The following EAPP variants were observed in gnomAD, a reference collection of about 807,000 sequenced individuals.
EAPP encodes E2F-associated phosphoprotein.
Under a neutral mutation model 34.3 loss-of-function variants are expected in EAPP, and 38 were observed. The observed-to-expected ratio is 1.11, with a 90% CI of 0.85 to 1.45. The LOEUF is 1.45. EAPP is among the 40% of genes most tolerant of loss of function. EAPP has a pLI of 0.00. For synonymous variants in EAPP, 113 were observed against 117.6 expected (o/e 0.96, Z 0.25); for missense variants, 338 against 343.7 (o/e 0.98, Z 0.13).
chr14:34,536,403 A>G (rs1412448367), intron 1 of EAPP, 128 bp from the exon 2 acceptor site: 1 of 589,736 alleles, frequency 1.7e-6, no homozygotes, highest in African/African-American at 1.9e-5. Flanking sequence ...CTTATACATT[A>G]CATATAGCTA....
chr14:34,537,476 CAGTCA>C (rs1880515296), intron 1 of EAPP, among the ~76,000 whole-genome samples: 1 of 152,202 alleles, frequency 6.6e-6, no homozygotes. Context: ...CTGAGAAAGG[CAGTCA>C]TACATCATGG....
At chr14:34,517,173 T>C (rs1482462405) in intron 5 of EAPP, among the ~76,000 whole-genome samples, 2 of 151,854 alleles carry the variant, frequency 1.3e-5, no homozygotes, top group East Asian at 1.9e-4. Context: ...CTTCTGACCT[T>C]GTGATCTGCC....
At chr14:34,536,996 A>T (rs1368676109) in intron 1 of EAPP, among the ~76,000 whole-genome samples, 1 of 151,618 alleles carries the variant, frequency 6.6e-6, no homozygotes, top group Non-Finnish European at 1.5e-5. Flanking sequence ...TCTCTGTATT[A>T]TTTCTTTTTT....
intron 4 of EAPP, among the ~76,000 whole-genome samples, chr14:34,528,294 C>T (rs541209600): frequency 2.0e-5 from 3 of 151,980 alleles, no homozygotes; most frequent in South Asian, 4.2e-4. Flanking sequence ...CCTTGGCCTC[C>T]CAAAGTGCTG....
Position 34,533,486 on chromosome 14 carries a change from C to G in EAPP, c.310G>C (p.Asp104His), listed in dbSNP as rs1880362178. 1 of 1,607,432 alleles carries G rather than the reference C, an allele frequency of 6.2e-7. No homozygotes were observed. The highest frequency in any genetic ancestry group is 8.5e-7 in the Non-Finnish European group (1 of 1,178,414). Residue 104 changes from aspartate to histidine, a missense_variant, in exon 3 of 6, where the codon GAT becomes CAT. Coordinates refer to ENST00000250454, the MANE Select transcript of EAPP (RefSeq NM_018453.4). ...VATAPTRYYD[D>H]IYFDSDSEDE... ...TCGGAATCAGAATCAAAATATATAT[C>G]ATCGTAGTACCTTGTCGGAGCTGTT... is the stretch of plus-strand genomic sequence containing the variant.
At chr14:34,539,527 C>T (rs1433208055) in intron 1 of EAPP, 28 bp downstream of exon 1, 1 of 1,602,712 alleles carries the variant, frequency 6.2e-7, no homozygotes, top group Non-Finnish European at 8.5e-7. Context: ...CCCAAATCCT[C>T]GGGGGCCAGG....
chr14:34,532,058 A>G (rs1227973441), intron 3 of EAPP, among the ~76,000 whole-genome samples: 1 of 151,260 alleles, frequency 6.6e-6, no homozygotes, highest in Non-Finnish European at 1.5e-5. Flanking sequence ...CCTGGGTGAC[A>G]GAGCGAGACT....
At chr14:34,521,635 CTTTTTTTTTTT>C (rs34835280) in intron 5 of EAPP, among the ~76,000 whole-genome samples, 1 of 129,700 alleles carries the variant, frequency 7.7e-6, no homozygotes, top group African/African-American at 2.9e-5. Context: ...TCCCAGATTT[CTTTTTTTTTTT>C]TTTTTTTAGA....
chr14:34,521,582 CCTCT>C (rs1430098552), intron 5 of EAPP, among the ~76,000 whole-genome samples: 4 of 151,660 alleles, frequency 2.6e-5, no homozygotes, highest in African/African-American at 9.7e-5. Context: ...CTGTTGAGAG[CCTCT>C]AATGAATTTT....
intron 3 of EAPP, among the ~76,000 whole-genome samples, chr14:34,530,747 C>A (rs1880255304): frequency 6.6e-6 from 1 of 150,906 alleles, no homozygotes. Flanking sequence ...TAAAATGCTA[C>A]TAAAATTAGA....
At chr14:34,531,515 T>C (rs556505687) in intron 3 of EAPP, among the ~76,000 whole-genome samples, 2 of 151,872 alleles carry the variant, frequency 1.3e-5, no homozygotes, top group African/African-American at 4.8e-5. Context: ...GGCAGGAGAA[T>C]GGTGTGAACC....
At chr14:34,518,324 G>GTTTT (rs1300401238) in intron 5 of EAPP, among the ~76,000 whole-genome samples, 3 of 87,950 alleles carry the variant, frequency 3.4e-5, no homozygotes, top group African/African-American at 1.6e-4. Context: ...TCTCCCTTTA[G>GTTTT]ATTTTTTTTT....
At chr14:34,530,195 C>G (rs996310409) in intron 3 of EAPP, among the ~76,000 whole-genome samples, 2 of 151,204 alleles carry the variant, frequency 1.3e-5, no homozygotes, top group Admixed American at 6.6e-5. Context: ...AGCAAAACTC[C>G]GTCTCAAAAA....
At chr14:34,530,031 T>TAA (rs1555320493) in intron 3 of EAPP, among the ~76,000 whole-genome samples, 3 of 151,036 alleles carry the variant, frequency 2.0e-5, no homozygotes, top group African/African-American at 7.3e-5. Context: ...AAAAAGAAAA[T>TAA]AATAAAATAA....
intron 5 of EAPP, 32 bp from the exon 6 acceptor site, chr14:34,516,618 T>TTATGTTC: frequency 6.3e-7 from 1 of 1,579,258 alleles, no homozygotes; most frequent in Non-Finnish European, 8.6e-7. Context: ...GAATTGGGGT[T>TTATGTTC]TATGTTCTAT....
chr14:34,516,263 A>C lies in EAPP; in HGVS notation c.*47T>G. The C allele has an allele frequency of 6.6e-7, 1 of 1,525,252 alleles. No individual in the cohort carries two copies. The highest frequency in any genetic ancestry group is 8.8e-7 in the Non-Finnish European group (1 of 1,131,292). The allele number at this position is 1,525,252 out of a possible 1,614,324, so 94.5% of individuals were successfully genotyped here. ...AGGCAAGAGGAAAGTAACTGTCCATATTTGCCTTATATACAGTATTGGGTA... is the reference window on the plus strand; with the variant it reads ...AGGCAAGAGGAAAGTAACTGTCCATCTTTGCCTTATATACAGTATTGGGTA... On this transcript the variant is annotated 3_prime_UTR_variant, in exon 6 of 6. Transcript: ENST00000250454.
chr14:34,529,296 A>G, intron 4 of EAPP, 62 bp downstream of exon 4: 2 of 1,208,494 alleles, frequency 1.7e-6, no homozygotes, highest in Non-Finnish European at 2.4e-6. Context: ...ATGTGAATGT[A>G]GTAAAAATCA....
At chr14:34,532,173 G>A (rs924547394) in intron 3 of EAPP, among the ~76,000 whole-genome samples, 4 of 151,726 alleles carry the variant, frequency 2.6e-5, no homozygotes, top group Admixed American at 6.6e-5. Flanking sequence ...TCTGCAGGAG[G>A]AGGCCAGGCC....
chr14:34,532,827 AC>A (rs2138221390), intron 3 of EAPP, among the ~76,000 whole-genome samples: 1 of 151,924 alleles, frequency 6.6e-6, no homozygotes, highest in African/African-American at 2.4e-5. Context: ...GGTGCATGGC[AC>A]CAAGCCTGGC....
Sources: gnomAD v4.1 joint callset for allele counts (sites outside exome capture counted in the v4.1 genomes callset) on GRCh38, gnomAD v4.1.1 for gene constraint, MANE v1.5 for transcripts, NCBI Gene and HGNC (gene_info 2026-07-23, HGNC 2026-07-21) for gene names.